Variants in CDH12 observed in about 807,000 individuals in gnomAD.
The protein encoded by CDH12 is cadherin 12.
A neutral mutation model predicts 74.1 loss-of-function variants in CDH12; 41 were observed. The ratio of observed to expected loss-of-function variants is 0.55; its 90% CI spans 0.43 to 0.72. The LOEUF is 0.72. Among genes scored for constraint, CDH12 ranks in the 30% least tolerant of loss-of-function variants. CDH12 has a pLI of 0.00. For synonymous variants in CDH12, 399 were observed against 355.0 expected (o/e 1.12, Z -1.39); for missense variants, 945 against 977.2 (o/e 0.97, Z 0.44).
intron 1 of CDH12, among the ~76,000 whole-genome samples, chr5:22,558,833 A>G (rs1738917659): frequency 6.6e-6 from 1 of 152,086 alleles, no homozygotes; most frequent in Non-Finnish European, 1.5e-5. Flanking sequence ...AATGGAAACA[A>G]TGTGCTTTGA....
intron 6 of CDH12, among the ~76,000 whole-genome samples, chr5:21,968,997 G>A (rs1433798713): frequency 6.6e-6 from 1 of 151,768 alleles, no homozygotes; most frequent in East Asian, 1.9e-4. Flanking sequence ...GGGTAGGGAG[G>A]GGGAGCATTA....
At chr5:22,288,131 T>C (rs751632972) in intron 3 of CDH12, among the ~76,000 whole-genome samples, 4 of 152,168 alleles carry the variant, frequency 2.6e-5, no homozygotes, top group Non-Finnish European at 4.4e-5. Flanking sequence ...GATTAAAATG[T>C]CTAATTGTTA....
At chr5:22,694,893 T>G (rs1742271338) in intron 1 of CDH12, among the ~76,000 whole-genome samples, 1 of 152,060 alleles carries the variant, frequency 6.6e-6, no homozygotes, top group Admixed American at 6.6e-5. Context: ...TACATAAGTA[T>G]ACATGTGCCA....
chr5:22,151,186 A>G (rs1747558015), intron 4 of CDH12, among the ~76,000 whole-genome samples: 1 of 152,186 alleles, frequency 6.6e-6, no homozygotes, highest in Admixed American at 6.5e-5. Context: ...CCAAGGTCAC[A>G]CAGCCTTTGA....
At chr5:22,732,461 T>C (rs1180241119) in intron 1 of CDH12, among the ~76,000 whole-genome samples, 212 of 51,040 alleles carry the variant, frequency 4.2e-3, no homozygotes, top group African/African-American at 0.013. Flanking sequence ...TGTGTGTATA[T>C]ATATATATAT....
At chr5:22,069,398 A>C (rs1014499146) in intron 5 of CDH12, among the ~76,000 whole-genome samples, 3 of 152,040 alleles carry the variant, frequency 2.0e-5, no homozygotes, top group African/African-American at 4.8e-5. Context: ...CATCCAATAT[A>C]TGGCACTATT....
At chr5:22,720,609 G>T (rs551023820) in intron 1 of CDH12, among the ~76,000 whole-genome samples, 1 of 152,268 alleles carries the variant, frequency 6.6e-6, no homozygotes, top group South Asian at 2.1e-4. Context: ...AAGACAGAAA[G>T]ATGTGGGAAG....
chr5:22,289,247 T>C (rs1315992509), intron 3 of CDH12, among the ~76,000 whole-genome samples: 1 of 151,984 alleles, frequency 6.6e-6, no homozygotes, highest in African/African-American at 2.4e-5. Flanking sequence ...TAATTCAAAA[T>C]AGATAAAATC....
At chr5:22,731,704 C>A (rs1744437984) in intron 1 of CDH12, among the ~76,000 whole-genome samples, 2 of 151,814 alleles carry the variant, frequency 1.3e-5, no homozygotes, top group African/African-American at 2.4e-5. Flanking sequence ...TTGGAATATC[C>A]TCCTTTACAG....
At chr5:22,770,162 A>T (rs1353031868) in intron 1 of CDH12, among the ~76,000 whole-genome samples, 1 of 151,940 alleles carries the variant, frequency 6.6e-6, no homozygotes, top group Admixed American at 6.6e-5. Flanking sequence ...TTGTCCAAAA[A>T]CTAATTCCAA....
chr5:22,557,420 C>A (rs184793422), intron 1 of CDH12, among the ~76,000 whole-genome samples: 1 of 152,092 alleles, frequency 6.6e-6, no homozygotes, highest in East Asian at 1.9e-4. Flanking sequence ...ATTTGAGCAA[C>A]GGATACAATT....
At chr5:22,025,006 A>G (rs537777531) in intron 5 of CDH12, among the ~76,000 whole-genome samples, 1 of 152,278 alleles carries the variant, frequency 6.6e-6, no homozygotes, top group Admixed American at 6.5e-5. Flanking sequence ...AACCCAACTG[A>G]TACTCAGCTT....
intron 3 of CDH12, among the ~76,000 whole-genome samples, chr5:22,305,796 C>T (rs1274674002): frequency 2.0e-5 from 3 of 152,134 alleles, no homozygotes; most frequent in Non-Finnish European, 4.4e-5. Context: ...TAAATGTTGA[C>T]CGTAAATGTT....
intron 1 of CDH12, among the ~76,000 whole-genome samples, chr5:22,619,914 T>TAA (rs1737886001): frequency 6.6e-6 from 1 of 152,124 alleles, no homozygotes; most frequent in Non-Finnish European, 1.5e-5. Context: ...AAATTATTAT[T>TAA]TTTTGCTTTA....
chr5:22,583,791 A>G (rs1161115899), intron 1 of CDH12, among the ~76,000 whole-genome samples: 1 of 152,188 alleles, frequency 6.6e-6, no homozygotes, highest in Middle Eastern at 3.2e-3. Context: ...TTTTTCTTAA[A>G]ATGAAATCAA....
intron 1 of CDH12, among the ~76,000 whole-genome samples, chr5:22,545,005 C>G (rs919041015): frequency 6.6e-6 from 1 of 152,064 alleles, no homozygotes; most frequent in Admixed American, 6.6e-5. Flanking sequence ...TACTCACACA[C>G]GTACACATAC....
intron 1 of CDH12, among the ~76,000 whole-genome samples, chr5:22,839,352 C>CTTTT (rs1293903338): frequency 8.3e-6 from 1 of 120,260 alleles, no homozygotes; most frequent in Non-Finnish European, 1.7e-5. Flanking sequence ...AATTACTTGT[C>CTTTT]TTTTTTTTTT....
chr5:22,073,838 C>T (rs1742118596), intron 5 of CDH12, among the ~76,000 whole-genome samples: 1 of 151,640 alleles, frequency 6.6e-6, no homozygotes, highest in Admixed American at 6.6e-5. Flanking sequence ...TACATGAATA[C>T]ATTCTTTTAG....
At chr5:22,298,541 C>A (rs971147191) in intron 3 of CDH12, among the ~76,000 whole-genome samples, 7 of 102,572 alleles carry the variant, frequency 6.8e-5, no homozygotes, top group African/African-American at 2.2e-4. Context: ...ACTCTAAAGC[C>A]ATTTTTATCC....
Sources: allele counts gnomAD v4.1 joint callset (sites outside exome capture counted in the v4.1 genomes callset), GRCh38; gene constraint gnomAD v4.1.1; transcripts MANE v1.5; gene names NCBI Gene and HGNC (gene_info 2026-07-23, HGNC 2026-07-21).